The following SLC26A7 variants were observed in gnomAD, a reference collection of about 807,000 sequenced individuals.
The protein encoded by SLC26A7 is solute carrier family 26 member 7.
SLC26A7 carries 59 observed loss-of-function variants against 82.5 expected under a neutral mutation model. The ratio of observed to expected loss-of-function variants is 0.72; its 90% CI spans 0.58 to 0.89. SLC26A7 has a LOEUF of 0.89. SLC26A7 is among the 40% of genes least tolerant of loss of function. SLC26A7 has a pLI of 0.00. For missense variants in SLC26A7, 820 were observed against 793.0 expected, an observed-to-expected ratio of 1.03 and a Z score of -0.41; for synonymous variants, 271 against 274.3, an observed-to-expected ratio of 0.99 and a Z score of 0.12.
chr8:91,289,897 G>A (rs1811818449), intron 3 of SLC26A7, among the ~76,000 whole-genome samples: 1 of 151,980 alleles, frequency 6.6e-6, no homozygotes, highest in African/African-American at 2.4e-5. Context: ...GGGGTGATTT[G>A]GTATTAGATA....
chr8:91,347,774 C>A (rs1813604304), intron 9 of SLC26A7, among the ~76,000 whole-genome samples: 1 of 152,162 alleles, frequency 6.6e-6, no homozygotes, highest in Non-Finnish European at 1.5e-5. Flanking sequence ...TATGAAGAAA[C>A]CCTTTTTACA....
chr8:91,310,327 G>GC (rs1812445531), intron 4 of SLC26A7, among the ~76,000 whole-genome samples: 1 of 152,132 alleles, frequency 6.6e-6, no homozygotes, highest in Non-Finnish European at 1.5e-5. Context: ...AGCTGTCAAG[G>GC]CAGGGTTGGC....
At chr8:91,376,430 G>C (rs181504542) in intron 15 of SLC26A7, among the ~76,000 whole-genome samples, 7 of 152,134 alleles carry the variant, frequency 4.6e-5, no homozygotes, top group Non-Finnish European at 8.8e-5. Context: ...ATACTGCAGT[G>C]TATGTGTTTT....
At chr8:91,352,789 G>A (rs1454686810) in intron 10 of SLC26A7, 112 bp from the exon 11 acceptor site, 1 of 730,346 alleles carries the variant, frequency 1.4e-6, no homozygotes, top group Non-Finnish European at 2.2e-6. Context: ...ATCGGTGATT[G>A]CTTTTCTCTA....
Position 91,398,038 on chromosome 8 carries a change from T to C in SLC26A7, c.*2941T>C, listed in dbSNP as rs533210213. 16 of 152,594 alleles carry C rather than the reference T, an allele frequency of 1.0e-4. No homozygotes were observed. Among genetic ancestry groups the C allele is most frequent in the Non-Finnish European group, 1.9e-4 (13 of 67,938 alleles). The allele number at this position is 152,594 out of a possible 1,614,324, so 9.5% of individuals were successfully genotyped here. A position where few individuals can be genotyped will look rare whatever the true frequency, so the allele number is the denominator to read the frequency against. ...CATGTAGTCTAATATGCTGCAGTTATTTTTTTATATTTTTCAATGCATTTA... is the reference window on the plus strand; with the variant it reads ...CATGTAGTCTAATATGCTGCAGTTACTTTTTTATATTTTTCAATGCATTTA... On this transcript the variant is annotated 3_prime_UTR_variant, in exon 19 of 19. Coordinates refer to ENST00000276609, the MANE Select transcript of SLC26A7 (RefSeq NM_052832.4).
Position 91,340,484 on chromosome 8 carries a change from A to G in SLC26A7, c.959A>G (p.Tyr320Cys), listed in dbSNP as rs139932833. Residue 320 changes from tyrosine (Y) to cysteine (C), a missense_variant, in exon 8 of 19, where the codon TAT becomes TGT. By Grantham distance (194) the Tyr-to-Cys change is radical. Coordinates refer to ENST00000276609, the MANE Select transcript of SLC26A7 (RefSeq NM_052832.4). Reference sequence around the variant, plus strand: ...GCTTTCGGAGTGGCACTTGTAGGCTATGTGGCCTCACTGGCTCTTGCTCAA... The same window carrying G: ...GCTTTCGGAGTGGCACTTGTAGGCTGTGTGGCCTCACTGGCTCTTGCTCAA... ...TEAFGVALVG[Y>C]VASLALAQGS... 2.4e-5 allele frequency: 39 copies of G among 1,613,970 alleles called. No individual in the cohort carries two copies. The highest frequency in any genetic ancestry group is 3.1e-5 in the Non-Finnish European group (37 of 1,179,934).
At chr8:91,286,272 G>C (rs930320406) in intron 2 of SLC26A7, among the ~76,000 whole-genome samples, 18 of 152,172 alleles carry the variant, frequency 1.2e-4, no homozygotes, top group African/African-American at 4.3e-4. Context: ...GGTTGGTAGT[G>C]TTCACAAACC....
chr8:91,256,041 A>G (rs1452771623), intron 2 of SLC26A7, among the ~76,000 whole-genome samples: 1 of 152,116 alleles, frequency 6.6e-6, no homozygotes, highest in Non-Finnish European at 1.5e-5. Context: ...GTGAGGTTCT[A>G]TTGCTGGCAC....
At chr8:91,353,544 T>A (rs1038963928) in intron 11 of SLC26A7, among the ~76,000 whole-genome samples, 1 of 152,128 alleles carries the variant, frequency 6.6e-6, no homozygotes, top group Non-Finnish European at 1.5e-5. Flanking sequence ...TCTACGAACA[T>A]AAATAGCACA....
intron 2 of SLC26A7, among the ~76,000 whole-genome samples, chr8:91,237,584 AT>A (rs1413308295): frequency 1.3e-5 from 2 of 152,164 alleles, no homozygotes; most frequent in East Asian, 3.9e-4. Flanking sequence ...TCCATCTGGC[AT>A]CAGCATGCCT....
At chr8:91,231,076 G>T (rs1810304308) in intron 2 of SLC26A7, among the ~76,000 whole-genome samples, 2 of 152,128 alleles carry the variant, frequency 1.3e-5, no homozygotes, top group Admixed American at 1.3e-4. Flanking sequence ...TAAGAATGTG[G>T]GTGCCAAGTA....
intron 2 of SLC26A7, among the ~76,000 whole-genome samples, chr8:91,285,298 A>G (rs1811680919): frequency 9.4e-6 from 1 of 106,624 alleles, no homozygotes; most frequent in Non-Finnish European, 2.2e-5. Context: ...TTCATGTGGC[A>G]TTCACATGCC....
intron 2 of SLC26A7, among the ~76,000 whole-genome samples, chr8:91,234,506 C>A (rs1810359292): frequency 1.3e-5 from 2 of 150,622 alleles, no homozygotes; most frequent in East Asian, 3.9e-4. Flanking sequence ...AGAAGTGGGG[C>A]ACAGAGACTT....
intron 14 of SLC26A7, among the ~76,000 whole-genome samples, chr8:91,369,282 C>T (rs1015652044): frequency 1.3e-5 from 2 of 151,488 alleles, no homozygotes; most frequent in African/African-American, 4.9e-5. Context: ...ACAAAAATAG[C>T]AATAATACAT....
Position 91,395,990 on chromosome 8 carries a change from T to C in SLC26A7, c.*893T>C, listed in dbSNP as rs1387674457. 1 of 152,056 alleles carries C rather than the reference T, an allele frequency of 6.6e-6. No individual in the cohort carries two copies. Among genetic ancestry groups the C allele is most frequent in the Non-Finnish European group, 1.5e-5 (1 of 67,926 alleles). 9.4% of individuals were successfully genotyped at this position (152,056 alleles called of 1,614,324 possible). A position where few individuals can be genotyped will look rare whatever the true frequency, so the allele number is the denominator to read the frequency against. On this transcript the variant is annotated 3_prime_UTR_variant, in exon 19 of 19. Transcript: ENST00000276609. Reference sequence around the variant, plus strand: ...CTGTAATAATTTTTGACTTCCCTATTTCAGAGATAGTCAATATAATATGTT... The same window carrying C: ...CTGTAATAATTTTTGACTTCCCTATCTCAGAGATAGTCAATATAATATGTT...
At chr8:91,341,760 C>T (rs1813421731) in intron 8 of SLC26A7, among the ~76,000 whole-genome samples, 1 of 152,096 alleles carries the variant, frequency 6.6e-6, no homozygotes, top group South Asian at 2.1e-4. Flanking sequence ...TACCCTTTTC[C>T]TCTTTGGTCT....
intron 4 of SLC26A7, among the ~76,000 whole-genome samples, chr8:91,305,678 A>G (rs966025189): frequency 2.0e-5 from 3 of 152,198 alleles, no homozygotes; most frequent in Non-Finnish European, 4.4e-5. Context: ...TCTGCCTTCA[A>G]CCATGTAATT....
chr8:91,223,787 T>A (rs1810196700), intron 2 of SLC26A7, among the ~76,000 whole-genome samples: 1 of 152,176 alleles, frequency 6.6e-6, no homozygotes, highest in Admixed American at 6.5e-5. Context: ...TTGTTTCTAT[T>A]CTCCCTGTCT....
In SLC26A7 at chr8:91,363,455, A is replaced by G. The variant is rs756268138; in HGVS notation, c.1422-17A>G. ...TAGGAAATGACTTGTTTTATTTTCT[A>G]TCTGCTTTAATTTCAGAGCAATGAC... is the stretch of plus-strand genomic sequence containing the variant. On this transcript the variant is annotated splice_polypyrimidine_tract_variant and intron_variant, in intron 12 of 18. Coordinates refer to ENST00000276609, the MANE Select transcript of SLC26A7 (RefSeq NM_052832.4). 3.5e-6 allele frequency: 5 copies of G among 1,434,272 alleles called. No homozygotes were observed. Among genetic ancestry groups the G allele is most frequent in the East Asian group, 2.4e-5 (1 of 42,350 alleles). The allele number at this position is 1,434,272 out of a possible 1,614,324, so 88.8% of individuals were successfully genotyped here. A position where few individuals can be genotyped will look rare whatever the true frequency, so the allele number is the denominator to read the frequency against.
Sources: allele counts gnomAD v4.1 joint callset (sites outside exome capture counted in the v4.1 genomes callset), GRCh38; gene constraint gnomAD v4.1.1; transcripts MANE v1.5; gene names NCBI Gene and HGNC (gene_info 2026-07-23, HGNC 2026-07-21).